Variants in MCM9 observed in about 807,000 individuals in gnomAD.
MCM9 encodes DNA helicase MCM9.
Under a neutral mutation model 72.8 loss-of-function variants are expected in MCM9, and 55 were observed. That is an observed-to-expected ratio of 0.76 (90% CI 0.61 to 0.95). MCM9 has a LOEUF of 0.95. Ranked by LOEUF, MCM9 falls within the 40% of genes least tolerant of loss-of-function variation. The pLI is 0.00. For missense variants in MCM9, 1,279 were observed against 1,377.0 expected (o/e 0.93, Z 1.13); for synonymous variants, 480 against 503.4 (o/e 0.95, Z 0.62).
intron 9 of MCM9, among the ~76,000 whole-genome samples, chr6:118,844,256 G>A (rs952344110): frequency 4.6e-5 from 7 of 151,720 alleles, no homozygotes; most frequent in African/African-American, 1.7e-4. Flanking sequence ...TAGGGGTAAT[G>A]AACTTAAGAT....
In MCM9 at chr6:118,815,490, T is replaced by C. The variant is rs1195076477; in HGVS notation, c.2766A>G (p.Lys922=). 7 of 1,547,470 alleles carry C rather than the reference T, an allele frequency of 4.5e-6. No homozygotes were observed. ...GTTTTGACTTCTGCTTGAAAGTAAA[T>C]TTTGCCAGTTTGGCCACAGGGGAAC... is the stretch of plus-strand genomic sequence containing the variant. ...PPGSPVAKLA[K]FTFKQKSKLI... Residue 922 remains lysine, a synonymous_variant, in exon 14 of 14, where the codon AAA becomes AAG. Transcript: ENST00000619706.
At chr6:118,839,981 G>A (rs1465708992) in intron 9 of MCM9, among the ~76,000 whole-genome samples, 1 of 152,098 alleles carries the variant, frequency 6.6e-6, no homozygotes, top group Non-Finnish European at 1.5e-5. Flanking sequence ...CTTCAGAGCT[G>A]GCAGGCAGGA....
At chr6:118,892,936 A>AT in intron 8 of MCM9, among the ~76,000 whole-genome samples, 1 of 152,336 alleles carries the variant, frequency 6.6e-6, no homozygotes, top group South Asian at 2.1e-4. Context: ...TGACCAAAGA[A>AT]TGACAAATCA....
At chr6:118,859,768 G>A (rs1180019992) in intron 8 of MCM9, among the ~76,000 whole-genome samples, 4 of 152,078 alleles carry the variant, frequency 2.6e-5, no homozygotes, top group Admixed American at 6.6e-5. Flanking sequence ...TTAGAAATAC[G>A]CCAGAACTTC....
chr6:118,820,839 G>A (rs1277401286), intron 13 of MCM9, among the ~76,000 whole-genome samples: 1 of 152,160 alleles, frequency 6.6e-6, no homozygotes, highest in Non-Finnish European at 1.5e-5. Context: ...AGGATAGTTA[G>A]CTCTTCTTGT....
chr6:118,847,610 T>C (rs1775961687), intron 9 of MCM9, among the ~76,000 whole-genome samples: 1 of 151,490 alleles, frequency 6.6e-6, no homozygotes, highest in African/African-American at 2.4e-5. Flanking sequence ...GGAAAAATTC[T>C]AACAAATAAA....
chr6:118,839,484 G>C (rs766231201), intron 9 of MCM9, among the ~76,000 whole-genome samples: 14 of 152,020 alleles, frequency 9.2e-5, no homozygotes, highest in Non-Finnish European at 1.8e-4. Flanking sequence ...AGGAATTGTG[G>C]AGGAGAATTT....
intron 9 of MCM9, among the ~76,000 whole-genome samples, chr6:118,842,265 C>T (rs1242242374): frequency 6.6e-6 from 1 of 152,138 alleles, no homozygotes; most frequent in Non-Finnish European, 1.5e-5. Flanking sequence ...TTGAGGATGT[C>T]CTTGATTATT....
chr6:118,843,694 A>ATATGTATGTATATATATATGTGTATG (rs1775639467), intron 9 of MCM9, among the ~76,000 whole-genome samples: 1 of 82,208 alleles, frequency 1.2e-5, no homozygotes, highest in Non-Finnish European at 2.4e-5. Flanking sequence ...ATGTGTATAT[A>ATATGTATGTATATATATATGTGTATG]TATATATATG....
At chr6:118,864,367 G>C (rs1271265072) in intron 8 of MCM9, among the ~76,000 whole-genome samples, 1 of 152,150 alleles carries the variant, frequency 6.6e-6, no homozygotes, top group Non-Finnish European at 1.5e-5. Context: ...AAAGGACAGA[G>C]AAAGATTTAT....
In MCM9 at chr6:118,814,390, C is replaced by CAAAAAAAAAAAAAAAAAAA. The variant is rs59630533; in HGVS notation, c.*433_*434insTTTTTTTTTTTTTTTTTTT. On this transcript the variant is annotated 3_prime_UTR_variant, in exon 14 of 14. Coordinates refer to ENST00000619706, the MANE Select transcript of MCM9 (RefSeq NM_017696.3). ...ACTTAGCCCATTCCAGGTGAAAATA[C>CAAAAAAAAAAAAAAAAAAA]AAAAAAAAAAAAAAAAAGTAGAAAA... The CAAAAAAAAAAAAAAAAAAA allele has an allele frequency of 1.2e-5, 1 of 80,382 alleles. No homozygotes were observed. The highest frequency in any genetic ancestry group is 2.9e-5 in the Non-Finnish European group (1 of 35,032). 5.0% of individuals were successfully genotyped at this position (80,382 alleles called of 1,614,324 possible). A position where few individuals can be genotyped will look rare whatever the true frequency, so the allele number is the denominator to read the frequency against.
intron 9 of MCM9, among the ~76,000 whole-genome samples, chr6:118,834,144 G>A (rs1774786868): frequency 6.6e-6 from 1 of 152,182 alleles, no homozygotes; most frequent in South Asian, 2.1e-4. Flanking sequence ...TTAGTTTGCT[G>A]AGAATGACGG....
Position 118,917,679 on chromosome 6 carries a change from G to T in MCM9, c.786C>A (p.Val262=). The T allele has an allele frequency of 6.2e-7, 1 of 1,614,084 alleles. No homozygotes were observed. ...TTACTTGGATGTAATTTGCTTTCAG[G>T]ACTATCTCCACTTCACAGCGCACAT... ...QQDVRCEVEI[V]LKANYIQVNN... is the part of the protein sequence containing the mutation. Residue 262 remains valine, a synonymous_variant, in exon 6 of 14, where the codon GTC becomes GTA. Coordinates refer to ENST00000619706, the MANE Select transcript of MCM9 (RefSeq NM_017696.3).
At chr6:118,837,997 C>A (rs547216410) in intron 9 of MCM9, among the ~76,000 whole-genome samples, 3 of 152,202 alleles carry the variant, frequency 2.0e-5, no homozygotes, top group Admixed American at 2.0e-4. Flanking sequence ...GTGGCTGGTA[C>A]CAGTTTTTCC....
chr6:118,837,196 A>G (rs1217487623), intron 9 of MCM9, among the ~76,000 whole-genome samples: 13 of 152,138 alleles, frequency 8.5e-5, no homozygotes, highest in African/African-American at 3.1e-4. Flanking sequence ...CTTAATCCTG[A>G]GTTCTAATTT....
intron 9 of MCM9, among the ~76,000 whole-genome samples, chr6:118,852,462 T>C (rs1047710922): frequency 6.6e-6 from 1 of 152,148 alleles, no homozygotes; most frequent in African/African-American, 2.4e-5. Context: ...CTTTGGAAGA[T>C]GTCACTCCAA....
chr6:118,864,322 A>C (rs1389923883), intron 8 of MCM9, among the ~76,000 whole-genome samples: 1 of 152,154 alleles, frequency 6.6e-6, no homozygotes, highest in Non-Finnish European at 1.5e-5. Flanking sequence ...GAAAACCCAT[A>C]CTTTAAATAT....
chr6:118,899,842 G>A (rs114678143), intron 8 of MCM9, among the ~76,000 whole-genome samples: 1,577 of 152,318 alleles, frequency 0.01, 30 homozygotes, highest in African/African-American at 0.036. Flanking sequence ...GTAACAGTGT[G>A]TTGAATGCAA....
chr6:118,923,362 G>A (rs1455868901), intron 4 of MCM9, among the ~76,000 whole-genome samples: 1 of 150,360 alleles, frequency 6.7e-6, no homozygotes, highest in Non-Finnish European at 1.5e-5. Context: ...ATAGCTCACT[G>A]CCACCCAGAA....
Sources: gnomAD v4.1 joint callset for allele counts (sites outside exome capture counted in the v4.1 genomes callset) on GRCh38, gnomAD v4.1.1 for gene constraint, MANE v1.5 for transcripts, NCBI Gene and HGNC (gene_info 2026-07-23, HGNC 2026-07-21) for gene names.